RPS6KA5: variants seen among roughly 807,000 people sequenced by gnomAD.
RPS6KA5 encodes ribosomal protein S6 kinase A5.
In RPS6KA5, 27 loss-of-function variants were observed where a neutral mutation model predicts 85.5. The ratio of observed to expected loss-of-function variants is 0.32; its 90% CI spans 0.23 to 0.44. The LOEUF is 0.44. Ranked by LOEUF, RPS6KA5 falls within the 20% of genes least tolerant of loss-of-function variation. The pLI, the probability that RPS6KA5 is intolerant of heterozygous loss-of-function variation, is 1.00. For synonymous variants in RPS6KA5, 334 were observed against 348.2 expected (o/e 0.96, Z 0.46); for missense variants, 811 against 980.9 (o/e 0.83, Z 2.31).
rs552910698 is a variant in RPS6KA5 at position 90,967,101 on chromosome 14, T to C, written c.394+11205A>G. 1.1e-4 allele frequency among the ~76,000 whole-genome samples: 16 copies of C among 152,320 alleles called. No homozygotes were observed. In the South Asian group the frequency reaches 2.7e-3, roughly 26 times the overall value. ...GAAGCTGTCAGGCAAATTTCATTAA[T>C]GTGACCCTTCCAAAAAACATTTATC... is the stretch of plus-strand genomic sequence containing the variant. On this transcript the variant is annotated intron_variant, in intron 3 of 16. Transcript: ENST00000614987.
intron 3 of RPS6KA5, among the ~76,000 whole-genome samples, chr14:90,975,180 C>A (rs1329244280): frequency 2.0e-5 from 3 of 151,362 alleles, no homozygotes; most frequent in Non-Finnish European, 1.5e-5. Flanking sequence ...TTTAAGAAAA[C>A]ACATATTTAA....
intron 5 of RPS6KA5, among the ~76,000 whole-genome samples, chr14:90,936,915 G>C (rs1287626951): frequency 6.6e-6 from 1 of 152,174 alleles, no homozygotes; most frequent in Non-Finnish European, 1.5e-5. Flanking sequence ...AAAATGTTCA[G>C]TTTGAGGAGC....
chr14:91,003,858 G>C (rs2040888269), intron 1 of RPS6KA5, among the ~76,000 whole-genome samples: 1 of 152,148 alleles, frequency 6.6e-6, no homozygotes, highest in African/African-American at 2.4e-5. Context: ...TCAAGTTTCT[G>C]ATAGAGTTTA....
intron 13 of RPS6KA5, chr14:90,893,846 AGAG>A (rs2034687686): frequency 4.2e-6 from 1 of 235,750 alleles, no homozygotes. Flanking sequence ...GCCTTTCATA[AGAG>A]GAGACATATA....
rs1481001741 is a variant in RPS6KA5 at position 90,855,495 on chromosome 14, T to C, written c.*16579A>G. 1 of 152,336 alleles carries C rather than the reference T, an allele frequency of 6.6e-6. No individual in the cohort carries two copies. The highest frequency in any genetic ancestry group is 1.5e-5 in the Non-Finnish European group (1 of 68,158). 9.4% of individuals were successfully genotyped at this position (152,336 alleles called of 1,614,324 possible). A position where few individuals can be genotyped will look rare whatever the true frequency, so the allele number is the denominator to read the frequency against. ...CTCTGTCGCTTAGGCTGGAGTGCAA[T>C]GGCGTGATCTCGGCTCACTGCAACC... On this transcript the variant is annotated 3_prime_UTR_variant, in exon 17 of 17. Transcript: ENST00000614987.
At chr14:91,033,912 T>C (rs1233799512) in intron 1 of RPS6KA5, among the ~76,000 whole-genome samples, 2 of 152,210 alleles carry the variant, frequency 1.3e-5, no homozygotes, top group Admixed American at 6.5e-5. Flanking sequence ...ATAGTCTTCA[T>C]ACACATAAGT....
chr14:91,034,888 A>G (rs1427137024), intron 1 of RPS6KA5, among the ~76,000 whole-genome samples: 1 of 152,046 alleles, frequency 6.6e-6, no homozygotes, highest in Non-Finnish European at 1.5e-5. Flanking sequence ...CTTTAAGTCA[A>G]TCCATTTAGT....
chr14:90,899,559 T>C, intron 11 of RPS6KA5, 137 bp from the exon 12 acceptor site: 1 of 569,592 alleles, frequency 1.8e-6, no homozygotes, highest in Non-Finnish European at 3.1e-6. Flanking sequence ...GAGGTTTCCA[T>C]GAAAGTAATG....
chr14:90,885,416 A>G (rs1189177475), intron 14 of RPS6KA5, among the ~76,000 whole-genome samples: 6 of 148,070 alleles, frequency 4.1e-5, no homozygotes, highest in East Asian at 2.0e-4. Context: ...AGCCGGGCGT[A>G]GTGGCGGGCG....
Position 90,890,467 on chromosome 14 carries a change from CTG to C in RPS6KA5, c.1836+18_1836+19del, listed in dbSNP as rs761988288. 47 of 1,576,922 alleles carry C rather than the reference CTG, an allele frequency of 3.0e-5. No individual in the cohort carries two copies. The Middle Eastern group carries it at 5.1e-4, about 17-fold the overall frequency. On this transcript the variant is annotated intron_variant, in intron 14 of 16. Transcript: ENST00000614987. ...CCAAAGAAATAAGCAGGTTTAATGACTGTATTGAAAAGAACTCACCAAAATGA... is the reference window on the plus strand; with the variant it reads ...CCAAAGAAATAAGCAGGTTTAATGACTATTGAAAAGAACTCACCAAAATGA...
At chr14:91,042,312 C>T (rs2139893539) in intron 1 of RPS6KA5, among the ~76,000 whole-genome samples, 1 of 152,096 alleles carries the variant, frequency 6.6e-6, no homozygotes, top group Non-Finnish European at 1.5e-5. Context: ...AGTTCAAGAC[C>T]AGCCTGGCCA....
At chr14:90,929,767 G>A (rs1019408487) in intron 5 of RPS6KA5, among the ~76,000 whole-genome samples, 1 of 152,186 alleles carries the variant, frequency 6.6e-6, no homozygotes, top group Non-Finnish European at 1.5e-5. Context: ...ACAGTGAAGA[G>A]GGAGGACGAA....
intron 5 of RPS6KA5, among the ~76,000 whole-genome samples, chr14:90,942,801 A>G (rs1283778377): frequency 6.6e-6 from 1 of 152,182 alleles, no homozygotes; most frequent in East Asian, 1.9e-4. Flanking sequence ...TTTTTCAGTT[A>G]TATTTTACAT....
chr14:90,920,750 A>G (rs1463657794), intron 6 of RPS6KA5, among the ~76,000 whole-genome samples: 1 of 151,914 alleles, frequency 6.6e-6, no homozygotes, highest in African/African-American at 2.4e-5. Context: ...TTTTTCTTAT[A>G]GAACCTATCA....
intron 2 of RPS6KA5, among the ~76,000 whole-genome samples, chr14:90,980,123 T>A (rs1285311886): frequency 6.6e-6 from 1 of 152,170 alleles, no homozygotes; most frequent in Non-Finnish European, 1.5e-5. Flanking sequence ...AATGACAACT[T>A]TTGGAACCTA....
At chr14:90,903,890 A>G (rs1566719077) in intron 8 of RPS6KA5, among the ~76,000 whole-genome samples, 1 of 152,200 alleles carries the variant, frequency 6.6e-6, no homozygotes, top group Non-Finnish European at 1.5e-5. Context: ...TGACAGTAAA[A>G]TATGAAAATG....
At chr14:91,021,343 T>G (rs1219274017) in intron 1 of RPS6KA5, among the ~76,000 whole-genome samples, 1 of 152,238 alleles carries the variant, frequency 6.6e-6, no homozygotes, top group Non-Finnish European at 1.5e-5. Flanking sequence ...TTTTCAATGC[T>G]TTAATACTCA....
At chr14:90,889,382 T>TCATCAAAG (rs2034426869) in intron 14 of RPS6KA5, among the ~76,000 whole-genome samples, 1 of 151,806 alleles carries the variant, frequency 6.6e-6, no homozygotes, top group Non-Finnish European at 1.5e-5. Context: ...AACTAAATAT[T>TCATCAAAG]CATCAAAGAA....
chr14:90,964,644 T>C (rs1409867075), intron 3 of RPS6KA5, among the ~76,000 whole-genome samples: 2 of 152,066 alleles, frequency 1.3e-5, no homozygotes, highest in African/African-American at 4.8e-5. Context: ...CTGCATGTGG[T>C]GGCTCACATC....
Sources: allele counts gnomAD v4.1 joint callset (sites outside exome capture counted in the v4.1 genomes callset), GRCh38; gene constraint gnomAD v4.1.1; transcripts MANE v1.5; gene names NCBI Gene and HGNC (gene_info 2026-07-23, HGNC 2026-07-21).